The following CTNNA3 variants were observed in gnomAD, a reference collection of about 807,000 sequenced individuals.
CTNNA3 encodes catenin alpha-3.
In CTNNA3, 76 loss-of-function variants were observed where a neutral mutation model predicts 95.7. That is an observed-to-expected ratio of 0.79 (90% CI 0.66 to 0.96). The LOEUF (loss-of-function observed/expected upper bound fraction) is 0.96, where lower values mean the gene tolerates loss of function less well. Among genes scored for constraint, CTNNA3 ranks in the 40% least tolerant of loss-of-function variants. The probability of loss-of-function intolerance (pLI) is 0.00; values close to 1 mark genes in which losing one functional copy is unlikely to be tolerated. For synonymous variants in CTNNA3, 431 were observed against 374.4 expected (o/e 1.15, Z -1.74); for missense variants, 1,191 against 1,089.8 (o/e 1.09, Z -1.31).
At chr10:66,065,448 T>G (rs2080294969) in intron 15 of CTNNA3, among the ~76,000 whole-genome samples, 1 of 152,190 alleles carries the variant, frequency 6.6e-6, no homozygotes, top group African/African-American at 2.4e-5. Flanking sequence ...CTTTGTTTTT[T>G]GATCTGCTAT....
chr10:66,046,737 A>T (rs1275001223), intron 15 of CTNNA3, among the ~76,000 whole-genome samples: 1 of 152,110 alleles, frequency 6.6e-6, no homozygotes, highest in African/African-American at 2.4e-5. Context: ...ACAAATAAGG[A>T]AGAAAAGAGA....
chr10:66,523,365 T>A (rs1161850624), intron 10 of CTNNA3, among the ~76,000 whole-genome samples: 1 of 152,200 alleles, frequency 6.6e-6, no homozygotes, highest in Non-Finnish European at 1.5e-5. Flanking sequence ...ATCCAATTTA[T>A]CTGATTCAAC....
chr10:66,872,679 A>ATAC (rs1844458381), intron 7 of CTNNA3, among the ~76,000 whole-genome samples: 1 of 145,538 alleles, frequency 6.9e-6, no homozygotes, highest in African/African-American at 2.7e-5. Flanking sequence ...AAAAATAATA[A>ATAC]TAATAATAAT....
chr10:66,326,154 T>C (rs1031228202), intron 12 of CTNNA3, among the ~76,000 whole-genome samples: 23 of 152,106 alleles, frequency 1.5e-4, no homozygotes, highest in African/African-American at 5.3e-4. Context: ...CTACATTGGA[T>C]TACAAGATAC....
intron 7 of CTNNA3, among the ~76,000 whole-genome samples, chr10:66,919,807 A>G (rs1305084571): frequency 1.3e-5 from 2 of 152,194 alleles, no homozygotes; most frequent in Non-Finnish European, 2.9e-5. Flanking sequence ...CATGCATATG[A>G]GTATTCTAAC....
intron 15 of CTNNA3, among the ~76,000 whole-genome samples, chr10:66,016,112 G>T (rs146941497): frequency 6.6e-6 from 1 of 152,158 alleles, no homozygotes; most frequent in African/African-American, 2.4e-5. Context: ...GAACATGAAA[G>T]TGCATTCCAA....
chr10:67,437,319 G>A (rs1846335871), intron 5 of CTNNA3, among the ~76,000 whole-genome samples: 1 of 152,104 alleles, frequency 6.6e-6, no homozygotes, highest in Non-Finnish European at 1.5e-5. Flanking sequence ...GGGGACCTGA[G>A]AGGAAGACTG....
intron 12 of CTNNA3, among the ~76,000 whole-genome samples, chr10:66,294,075 C>T (rs547448419): frequency 3.3e-5 from 5 of 152,214 alleles, no homozygotes; most frequent in Admixed American, 6.5e-5. Context: ...ATGCTAATAG[C>T]CCAATGATTG....
At chr10:67,045,295 C>T (rs1854656115) in intron 7 of CTNNA3, among the ~76,000 whole-genome samples, 2 of 152,054 alleles carry the variant, frequency 1.3e-5, no homozygotes, top group Non-Finnish European at 2.9e-5. Flanking sequence ...CATCTTTGTT[C>T]CCAAGGAGTC....
intron 13 of CTNNA3, among the ~76,000 whole-genome samples, chr10:66,140,053 A>C (rs760152261): frequency 1.3e-5 from 2 of 152,208 alleles, no homozygotes; most frequent in African/African-American, 2.4e-5. Flanking sequence ...TCATTAAAGC[A>C]GCTATAAAAC....
intron 13 of CTNNA3, among the ~76,000 whole-genome samples, chr10:66,218,046 G>T (rs1261004820): frequency 6.6e-6 from 1 of 152,200 alleles, no homozygotes; most frequent in Non-Finnish European, 1.5e-5. Context: ...GGTGGCCTGG[G>T]ATTCAATCTG....
intron 13 of CTNNA3, among the ~76,000 whole-genome samples, chr10:66,184,439 C>T (rs1342062047): frequency 6.6e-6 from 1 of 152,016 alleles, no homozygotes; most frequent in African/African-American, 2.4e-5. Context: ...CATATTATAA[C>T]CTAAAAATGT....
At chr10:67,613,178 G>T (rs1417075775) in intron 2 of CTNNA3, among the ~76,000 whole-genome samples, 1 of 152,016 alleles carries the variant, frequency 6.6e-6, no homozygotes, top group Non-Finnish European at 1.5e-5. Flanking sequence ...CCTCAACCTG[G>T]GGTGACTCCC....
At chr10:66,274,448 A>G (rs1418823888) in intron 13 of CTNNA3, among the ~76,000 whole-genome samples, 1 of 152,152 alleles carries the variant, frequency 6.6e-6, no homozygotes, top group African/African-American at 2.4e-5. Context: ...TATGAGAAAT[A>G]AAAAATAAAA....
intron 7 of CTNNA3, among the ~76,000 whole-genome samples, chr10:67,055,532 G>A (rs541928375): frequency 3.5e-4 from 54 of 152,294 alleles, no homozygotes; most frequent in African/African-American, 1.2e-3. Context: ...AGGAGACAAT[G>A]CCATTTGCAG....
intron 10 of CTNNA3, among the ~76,000 whole-genome samples, chr10:66,582,616 G>A (rs565508011): frequency 2.0e-5 from 3 of 151,780 alleles, no homozygotes; most frequent in East Asian, 3.9e-4. Flanking sequence ...TTTACAAATC[G>A]AATGCCCTTT....
At chr10:66,818,077 G>C (rs565425322) in intron 7 of CTNNA3, among the ~76,000 whole-genome samples, 1 of 131,164 alleles carries the variant, frequency 7.6e-6, no homozygotes, top group African/African-American at 3.0e-5. Flanking sequence ...ATAATCCAAC[G>C]CTCTTTTATT....
intron 1 of CTNNA3, among the ~76,000 whole-genome samples, chr10:67,648,147 A>T (rs1839773583): frequency 6.6e-6 from 1 of 152,192 alleles, no homozygotes; most frequent in South Asian, 2.1e-4. Flanking sequence ...CAAAATAAGA[A>T]GAAAAAAAAG....
At chr10:67,387,177 G>A (rs946766619) in intron 5 of CTNNA3, among the ~76,000 whole-genome samples, 4 of 152,178 alleles carry the variant, frequency 2.6e-5, no homozygotes, top group Admixed American at 1.3e-4. Context: ...GTGCCAGACA[G>A]TGGGCGCAGG....
Sources: allele counts gnomAD v4.1 joint callset (sites outside exome capture counted in the v4.1 genomes callset), GRCh38; gene constraint gnomAD v4.1.1; transcripts MANE v1.5; gene names NCBI Gene and HGNC (gene_info 2026-07-23, HGNC 2026-07-21).